The following RNF180 variants were observed in gnomAD, a reference collection of about 807,000 sequenced individuals.
RNF180 encodes the protein E3 ubiquitin-protein ligase RNF180.
In RNF180, 38 loss-of-function variants were observed where a neutral mutation model predicts 59.2. The ratio of observed to expected loss-of-function variants is 0.64; its 90% CI spans 0.50 to 0.84. The LOEUF (loss-of-function observed/expected upper bound fraction) is 0.84. Among genes scored for constraint, RNF180 ranks in the 40% least tolerant of loss-of-function variants. The probability of loss-of-function intolerance (pLI) is 0.00; values close to 1 mark genes in which losing one functional copy is unlikely to be tolerated. For missense variants in RNF180, 705 were observed against 700.9 expected, an observed-to-expected ratio of 1.01 and a Z score of -0.07; for synonymous variants, 262 against 240.3, an observed-to-expected ratio of 1.09 and a Z score of -0.84.
intron 1 of RNF180, among the ~76,000 whole-genome samples, chr5:64,169,164 T>A (rs1749807520): frequency 6.6e-6 from 1 of 152,206 alleles, no homozygotes; most frequent in African/African-American, 2.4e-5. Context: ...TATGTGGCAC[T>A]GAGCATGAGT....
At chr5:64,321,070 G>T (rs1744322571) in intron 5 of RNF180, among the ~76,000 whole-genome samples, 1 of 152,030 alleles carries the variant, frequency 6.6e-6, no homozygotes, top group Admixed American at 6.6e-5. Context: ...ATTATGAATG[G>T]GCAAAAGCTG....
intron 5 of RNF180, among the ~76,000 whole-genome samples, chr5:64,240,282 A>G (rs1259166489): frequency 6.6e-6 from 1 of 152,238 alleles, no homozygotes; most frequent in Non-Finnish European, 1.5e-5. Context: ...GCAGATCAGT[A>G]TAATAAAGGC....
chr5:64,279,753 G>T (rs1052297393), intron 5 of RNF180, among the ~76,000 whole-genome samples: 1 of 152,128 alleles, frequency 6.6e-6, no homozygotes, highest in African/African-American at 2.4e-5. Flanking sequence ...ATGAGTTAAT[G>T]AAAGGTTGAC....
intron 5 of RNF180, among the ~76,000 whole-genome samples, chr5:64,265,701 C>T (rs911327653): frequency 3.9e-5 from 6 of 152,014 alleles, no homozygotes; most frequent in Non-Finnish European, 8.8e-5. Flanking sequence ...GATTGTCTTG[C>T]TAGACAGGCT....
chr5:64,350,866 G>T (rs571116211), intron 7 of RNF180, among the ~76,000 whole-genome samples: 5 of 152,026 alleles, frequency 3.3e-5, no homozygotes, highest in Non-Finnish European at 7.4e-5. Context: ...TTGTTCTTTT[G>T]GCTTAGGATT....
rs376307057 is a variant in RNF180, at chr5:64,231,455, CTCTT to C, written c.1227+14061_1227+14064del. ...ATAAACTAAGTATATGTGCCACACA[CTCTT>C]TATTTATCCTCAAATGGTGCAAATT... On this transcript the variant is annotated intron_variant, in intron 5 of 7. Coordinates refer to ENST00000389100, the MANE Select transcript of RNF180 (RefSeq NM_001113561.2). Among the ~76,000 whole-genome samples the C allele has an allele frequency of 2.0e-3, 300 of 152,342 alleles. 1 individual carries two copies. Among genetic ancestry groups the C allele is most frequent in the African/African-American group, 6.8e-3 (283 of 41,568 alleles).
chr5:64,287,088 T>C (rs1316931472), intron 5 of RNF180, among the ~76,000 whole-genome samples: 2 of 152,126 alleles, frequency 1.3e-5, no homozygotes, highest in Non-Finnish European at 2.9e-5. Context: ...TGCCTCAGCC[T>C]CCCGAGTAGC....
At chr5:64,249,508 C>T (rs940362175) in intron 5 of RNF180, among the ~76,000 whole-genome samples, 2 of 151,946 alleles carry the variant, frequency 1.3e-5, no homozygotes. Context: ...CCCAGACAAA[C>T]AGAATCTAAT....
intron 5 of RNF180, among the ~76,000 whole-genome samples, chr5:64,241,787 C>T (rs1442686757): frequency 2.0e-5 from 3 of 152,134 alleles, no homozygotes; most frequent in African/African-American, 7.2e-5. Flanking sequence ...TCATTACCCA[C>T]ATTACTCCTC....
rs548235424 is a variant in RNF180, at chr5:64,254,574, G to A, written c.1227+37178G>A. Among the ~76,000 whole-genome samples the A allele has an allele frequency of 1.1e-3, 173 of 152,238 alleles. 1 individual carries two copies. The highest frequency in any genetic ancestry group is 3.4e-3 in the Middle Eastern group (1 of 294). Reference sequence around the variant, plus strand: ...TATAAATGGACATCAAATAAATTGAGTTTTGTAATGAAGCAATCATAAAGC... The same window carrying A: ...TATAAATGGACATCAAATAAATTGAATTTTGTAATGAAGCAATCATAAAGC... On this transcript the variant is annotated intron_variant, in intron 5 of 7. Transcript: ENST00000389100.
intron 5 of RNF180, among the ~76,000 whole-genome samples, chr5:64,284,763 T>C (rs1401407497): frequency 1.3e-5 from 2 of 152,206 alleles, no homozygotes; most frequent in Non-Finnish European, 2.9e-5. Context: ...GGACTTCCAC[T>C]CTCTCCTGAA....
chr5:64,345,965 A>T (rs1745536780), intron 7 of RNF180, among the ~76,000 whole-genome samples: 1 of 147,634 alleles, frequency 6.8e-6, no homozygotes, highest in Non-Finnish European at 1.5e-5. Context: ...AGCTTCTAGG[A>T]AATTACAGTT....
chr5:64,182,335 C>T (rs940850690), intron 1 of RNF180, among the ~76,000 whole-genome samples: 1 of 152,034 alleles, frequency 6.6e-6, no homozygotes, highest in Admixed American at 6.6e-5. Flanking sequence ...ATGAATCAAT[C>T]CAATTGCTTT....
rs1159381664 is a variant in RNF180, at chr5:64,187,397, A to G, written c.1-13411A>G. The stretch of plus-strand genomic sequence containing the variant: ...AATAAGGAAGGTGAGAGGTGGCTAG[A>G]TGGAGATAGGAAAAATACTTATAGA... On this transcript the variant is annotated intron_variant, in intron 1 of 7. Coordinates refer to ENST00000389100, the MANE Select transcript of RNF180 (RefSeq NM_001113561.2). Among the ~76,000 whole-genome samples the G allele has an allele frequency of 2.6e-5, 4 of 152,158 alleles. No homozygotes were observed. In the East Asian group the frequency reaches 7.7e-4, roughly 29 times the overall value.
At chr5:64,322,383 A>G (rs556976454) in intron 5 of RNF180, among the ~76,000 whole-genome samples, 8 of 152,266 alleles carry the variant, frequency 5.3e-5, no homozygotes, top group African/African-American at 1.9e-4. Context: ...GCCAACAAAC[A>G]TATGAAAAAA....
chr5:64,322,956 C>G (rs1744448340), intron 5 of RNF180, among the ~76,000 whole-genome samples: 1 of 151,972 alleles, frequency 6.6e-6, no homozygotes, highest in Admixed American at 6.6e-5. Context: ...ACCAAAACCA[C>G]CTGTTCCCCC....
At chr5:64,183,610 G>C (rs553654378) in intron 1 of RNF180, among the ~76,000 whole-genome samples, 157 of 151,976 alleles carry the variant, frequency 1.0e-3, no homozygotes, top group Non-Finnish European at 1.8e-3. Context: ...ACCACACCTG[G>C]CTAATTTTTG....
At chr5:64,240,827 G>C (rs1311244666) in intron 5 of RNF180, among the ~76,000 whole-genome samples, 1 of 152,150 alleles carries the variant, frequency 6.6e-6, no homozygotes, top group Non-Finnish European at 1.5e-5. Context: ...ACCCTTATTA[G>C]ACTACCCTTT....
chr5:64,272,639 G>A (rs1056932280), intron 5 of RNF180, among the ~76,000 whole-genome samples: 4 of 152,010 alleles, frequency 2.6e-5, no homozygotes, highest in Non-Finnish European at 5.9e-5. Flanking sequence ...TGCAAGAAAG[G>A]ATGGTAACGA....
Sources: allele counts gnomAD v4.1 joint callset (sites outside exome capture counted in the v4.1 genomes callset), GRCh38; gene constraint gnomAD v4.1.1; transcripts MANE v1.5; gene names NCBI Gene and HGNC (gene_info 2026-07-23, HGNC 2026-07-21).